The following TEX15 variants were observed in gnomAD, a reference collection of about 807,000 sequenced individuals.
TEX15 encodes the protein testis-expressed protein 15.
Under a neutral mutation model 237.3 loss-of-function variants are expected in TEX15, and 171 were observed. The ratio of observed to expected loss-of-function variants is 0.72; its 90% confidence interval spans 0.64 to 0.82. The LOEUF (loss-of-function observed/expected upper bound fraction) is 0.82. Among genes scored for constraint, TEX15 ranks in the 40% least tolerant of loss-of-function variants. TEX15 has a pLI of 0.00. For missense variants in TEX15, 3,750 were observed against 3,646.5 expected, an observed-to-expected ratio of 1.03 and a Z score of -0.73; for synonymous variants, 1,338 against 1,269.8, an observed-to-expected ratio of 1.05 and a Z score of -1.14.
rs761691274 is a variant in TEX15 at position 30,844,253 on chromosome 8, T to C, written c.5914A>G (p.Thr1972Ala). 4.7e-5 allele frequency: 75 copies of C among 1,612,858 alleles called. No individual in the cohort carries two copies. The Middle Eastern group carries it at 1.6e-3, about 35-fold the overall frequency. The change falls in exon 8 of 11, where the codon ACT becomes GCT. Residue 1972 changes from threonine (T) to alanine (A), a missense_variant. Physicochemically the swap from Thr to Ala is moderately conservative, Grantham distance 58. Transcript: ENST00000643185. ...TATGACGCAGGTTTCTTCAGAAGAG[T>C]AGGGACTTTACAGGTTTCAGAGTGG... ...PAHSETCKVPTLLKKPASYVS... is the reference protein window; with the variant it reads ...PAHSETCKVPALLKKPASYVS...
intron 1 of TEX15, among the ~76,000 whole-genome samples, chr8:30,900,246 G>A (rs1428576339): frequency 6.6e-6 from 1 of 152,126 alleles, no homozygotes; most frequent in East Asian, 1.9e-4. Flanking sequence ...AGAAGTAAAC[G>A]TAGAGAATAA....
intron 4 of TEX15, among the ~76,000 whole-genome samples, chr8:30,870,009 T>C (rs1048737456): frequency 6.6e-6 from 1 of 152,044 alleles, no homozygotes; most frequent in Admixed American, 6.6e-5. Context: ...TAATGAGGGA[T>C]AGATGTCAAA....
chr8:30,840,297 G>A (rs1807422295), intron 8 of TEX15, among the ~76,000 whole-genome samples: 1 of 151,882 alleles, frequency 6.6e-6, no homozygotes. Flanking sequence ...CTGGGTGCAA[G>A]CGATTCTCCT....
At chr8:30,838,758 G>A in intron 9 of TEX15, among the ~76,000 whole-genome samples, 1 of 131,582 alleles carries the variant, frequency 7.6e-6, no homozygotes, top group Non-Finnish European at 1.6e-5. Context: ...ATGTGTATGT[G>A]TGTATATATA....
chr8:30,875,022 T>C lies in TEX15; in HGVS notation c.217A>G (p.Asn73Asp). 7.1e-7 allele frequency: 1 copy of C among 1,400,116 alleles called. No homozygotes were observed. The highest frequency in any genetic ancestry group is 9.3e-7 in the Non-Finnish European group (1 of 1,075,892). 86.7% of individuals were successfully genotyped at this position (1,400,116 alleles called of 1,614,324 possible). The change falls in exon 4 of 11, where the codon AAC (asparagine) becomes GAC (aspartate). Residue 73 changes from asparagine (N) to aspartate (D), a missense_variant. By Grantham distance (23) the Asn-to-Asp change is conservative. Coordinates refer to ENST00000643185, the MANE Select transcript of TEX15 (RefSeq NM_001350162.2). ...DTLNQCRLDV[N>D]CDLQSLWQFG... ...TGCCATAACGACTGCAGATCACAGT[T>C]TACATCAAGCCTGCACTGGTTAAGA...
At chr8:30,873,257 T>C (rs1039697484) in intron 4 of TEX15, among the ~76,000 whole-genome samples, 23 of 152,170 alleles carry the variant, frequency 1.5e-4, no homozygotes, top group African/African-American at 5.5e-4. Flanking sequence ...CTCATTCCTT[T>C]TAAACCCATA....
intron 1 of TEX15, among the ~76,000 whole-genome samples, chr8:30,908,607 G>A (rs1324766083): frequency 5.3e-5 from 8 of 152,076 alleles, no homozygotes. Flanking sequence ...GAGGTTACAA[G>A]GTACAATAAT....
At position 30,844,085 on chromosome 8, in the gene TEX15, G is replaced by A; in HGVS notation, c.6082C>T (p.Pro2028Ser). 1 of 1,612,782 alleles carries A rather than the reference G, an allele frequency of 6.2e-7. No homozygotes were observed. The highest frequency in any genetic ancestry group is 8.5e-7 in the Non-Finnish European group (1 of 1,179,496). Residue 2028 changes from proline to serine, a missense_variant, in exon 8 of 11, where the codon CCT (proline) becomes TCT (serine). Physicochemically the swap from Pro to Ser is moderately conservative, Grantham distance 74. Coordinates refer to ENST00000643185, the MANE Select transcript of TEX15 (RefSeq NM_001350162.2). ...CTTTCAAAAGCTTCCACAAATAAAGGGAGAATATTTAGACAAACCTTAGTT... is the reference window on the plus strand; with the variant it reads ...CTTTCAAAAGCTTCCACAAATAAAGAGAGAATATTTAGACAAACCTTAGTT... ...EETKVCLNIL[P>S]LFVEAFERKQ...
chr8:30,878,487 G>A (rs1485486737), intron 3 of TEX15, among the ~76,000 whole-genome samples: 1 of 152,062 alleles, frequency 6.6e-6, no homozygotes, highest in Non-Finnish European at 1.5e-5. Flanking sequence ...GGGTTCAAGT[G>A]ATTCTCCTGC....
At chr8:30,887,572 G>A in intron 2 of TEX15, 1 of 238,056 alleles carries the variant, frequency 4.2e-6, no homozygotes, top group Non-Finnish European at 8.1e-6. Context: ...GCTGAGGTGG[G>A]CAGATCACTT....
chr8:30,912,680 G>T (rs1809257300), intron 1 of TEX15, among the ~76,000 whole-genome samples, 199 bp downstream of exon 1: 1 of 152,218 alleles, frequency 6.6e-6, no homozygotes, highest in Non-Finnish European at 1.5e-5. Flanking sequence ...TTTGGCCCCA[G>T]AGTCCCTGAA....
chr8:30,849,325 A>G lies in TEX15; in HGVS notation c.851-9T>C, dbSNP rs1035871372. On this transcript the variant is annotated splice_polypyrimidine_tract_variant and intron_variant, in intron 7 of 10. Transcript: ENST00000643185. ...CAGAGAGCATGTCCTTTCTGTGGAA[A>G]TAATAAGGAAGACAAATTTGAAAAA... The G allele has an allele frequency of 1.4e-6, 2 of 1,472,322 alleles. No homozygotes were observed. Among genetic ancestry groups the G allele is most frequent in the Admixed American group, 2.5e-5 (1 of 39,624 alleles). The allele number at this position is 1,472,322 out of a possible 1,614,324, so 91.2% of individuals were successfully genotyped here.
rs757485251 is a variant in TEX15, at chr8:30,845,440, G to GT, written c.4726dup (p.Thr1576AsnfsTer6). Reference sequence around the variant, plus strand: ...TTTACTAGTGCTAGATAAAAATGCTGTATCAATTTGATTTTCTTTTTCTAT... The same window carrying GT: ...TTTACTAGTGCTAGATAAAAATGCTGTTATCAATTTGATTTTCTTTTTCTAT... On this transcript the variant is annotated frameshift_variant, in exon 8 of 11. Coordinates refer to ENST00000643185, the MANE Select transcript of TEX15 (RefSeq NM_001350162.2). LOFTEE classifies it high-confidence loss of function. 1.9e-6 allele frequency: 3 copies of GT among 1,612,384 alleles called. No individual in the cohort carries two copies. Among genetic ancestry groups the GT allele is most frequent in the African/African-American group, 1.3e-5 (1 of 74,838 alleles).
intron 2 of TEX15, among the ~76,000 whole-genome samples, chr8:30,895,489 T>C (rs1433773675): frequency 6.6e-6 from 1 of 151,752 alleles, no homozygotes; most frequent in Admixed American, 6.6e-5. Context: ...AATCCTCTTA[T>C]TGGACTTAAA....
intron 3 of TEX15, among the ~76,000 whole-genome samples, chr8:30,877,643 A>T (rs1808428267): frequency 6.6e-6 from 1 of 152,142 alleles, no homozygotes; most frequent in Admixed American, 6.5e-5. Flanking sequence ...TTGTGGATGT[A>T]TAACTTTTTA....
In TEX15 at chr8:30,844,294, G is replaced by A. The variant is rs186835775; in HGVS notation, c.5873C>T (p.Thr1958Met). 130 of 1,613,360 alleles carry A rather than the reference G, an allele frequency of 8.1e-5. No homozygotes were observed. In the East Asian group the frequency reaches 1.6e-3, roughly 20 times the overall value. ...SKPGILGVNH[T>M]PILPAHSETC... The stretch of plus-strand genomic sequence containing the variant: ...TTCAGAGTGGGCAGGTAAAATAGGC[G>A]TATGATTAACTCCTAGAATTCCTGG... The change falls in exon 8 of 11, where the codon ACG becomes ATG. Residue 1958 changes from threonine (T) to methionine (M), a missense_variant. Transcript: ENST00000643185.
At chr8:30,902,040 G>C (rs1809017097) in intron 1 of TEX15, among the ~76,000 whole-genome samples, 1 of 152,150 alleles carries the variant, frequency 6.6e-6, no homozygotes, top group Non-Finnish European at 1.5e-5. Flanking sequence ...GGAACTTGTT[G>C]GCAATGCAAA....
At chr8:30,852,174 G>A (rs1807803110) in intron 7 of TEX15, among the ~76,000 whole-genome samples, 1 of 125,714 alleles carries the variant, frequency 8.0e-6, no homozygotes, top group Non-Finnish European at 1.5e-5. Flanking sequence ...GCACGATCTC[G>A]GCTCACTACA....
At chr8:30,869,217 T>C (rs553302236) in intron 4 of TEX15, among the ~76,000 whole-genome samples, 1 of 152,122 alleles carries the variant, frequency 6.6e-6, no homozygotes, top group Admixed American at 6.6e-5. Flanking sequence ...ATCACGATTT[T>C]AAATGACAGA....
Sources: allele counts gnomAD v4.1 joint callset (sites outside exome capture counted in the v4.1 genomes callset), GRCh38; gene constraint gnomAD v4.1.1; transcripts MANE v1.5; gene names NCBI Gene and HGNC (gene_info 2026-07-23, HGNC 2026-07-21).